Variants in SLC35F3 observed in about 807,000 individuals in gnomAD.
SLC35F3 encodes putative thiamine transporter SLC35F3.
In SLC35F3, 25 loss-of-function variants were observed where a neutral mutation model predicts 49.9. The ratio of observed to expected loss-of-function variants is 0.50; its 90% CI spans 0.37 to 0.70. SLC35F3 has a LOEUF of 0.70. SLC35F3 is among the 30% of genes least tolerant of loss of function. The pLI is 0.00. For missense variants in SLC35F3, 525 were observed against 639.8 expected, an observed-to-expected ratio of 0.82 and a Z score of 1.94; for synonymous variants, 275 against 265.4, an observed-to-expected ratio of 1.04 and a Z score of -0.35.
chr1:234,221,475 A>G (rs1359707603), intron 2 of SLC35F3, among the ~76,000 whole-genome samples: 5 of 152,224 alleles, frequency 3.3e-5, no homozygotes, highest in East Asian at 1.9e-4. Context: ...GACAAGAATC[A>G]TGAAGATGCA....
intron 2 of SLC35F3, among the ~76,000 whole-genome samples, chr1:234,186,765 G>A (rs546121158): frequency 7.9e-5 from 12 of 152,274 alleles, no homozygotes; most frequent in African/African-American, 2.2e-4. Flanking sequence ...ATGTACATTA[G>A]CTCCTTTAAA....
rs1553317673 is a variant in SLC35F3, at chr1:234,236,925, T to TTTTATATA, written c.608+5185_608+5186insTTATATAT. Among the ~76,000 whole-genome samples the TTTTATATA allele has an allele frequency of 4.8e-4, 46 of 96,292 alleles. 2 individuals are homozygous for TTTTATATA. The East Asian group carries it at 0.02, about 43-fold the overall frequency. 63.2% of individuals were successfully genotyped at this position (96,292 alleles called of 152,430 possible). A position where few individuals can be genotyped will look rare whatever the true frequency, so the allele number is the denominator to read the frequency against. ...AGACAGTCTCCTATTAAAAAAAAAA[T>TTTTATATA]TATATATATATATATATATATATAT... On this transcript the variant is annotated intron_variant, in intron 3 of 7. Transcript: ENST00000366618.
intron 2 of SLC35F3, among the ~76,000 whole-genome samples, chr1:234,209,988 A>C (rs1667026542): frequency 6.6e-6 from 1 of 152,184 alleles, no homozygotes; most frequent in African/African-American, 2.4e-5. Flanking sequence ...CCCCACCCAA[A>C]TCTCATCTTG....
At chr1:234,075,043 G>T (rs936266450) in intron 2 of SLC35F3, among the ~76,000 whole-genome samples, 1 of 152,172 alleles carries the variant, frequency 6.6e-6, no homozygotes, top group African/African-American at 2.4e-5. Flanking sequence ...AGAAAATAAA[G>T]AACTCAGTCT....
At chr1:234,056,353 T>A (rs1664456633) in intron 2 of SLC35F3, among the ~76,000 whole-genome samples, 1 of 152,180 alleles carries the variant, frequency 6.6e-6, no homozygotes, top group African/African-American at 2.4e-5. Context: ...TCTTGAAACA[T>A]GTTTTTAATA....
intron 2 of SLC35F3, among the ~76,000 whole-genome samples, chr1:233,946,693 G>T (rs1312787163): frequency 6.6e-6 from 1 of 152,240 alleles, no homozygotes; most frequent in African/African-American, 2.4e-5. Context: ...GCCCTTCATG[G>T]AGGAGAAACG....
chr1:234,117,361 G>A (rs750092199), intron 2 of SLC35F3, among the ~76,000 whole-genome samples: 1 of 152,140 alleles, frequency 6.6e-6, no homozygotes, highest in Non-Finnish European at 1.5e-5. Flanking sequence ...GGAGGCTGAG[G>A]TGGGCAGATC....
At chr1:234,080,911 A>G (rs1664865734) in intron 2 of SLC35F3, among the ~76,000 whole-genome samples, 1 of 152,222 alleles carries the variant, frequency 6.6e-6, no homozygotes, top group African/African-American at 2.4e-5. Flanking sequence ...GTTTTATGTT[A>G]TGTGGATTTT....
At chr1:234,098,314 T>C (rs935816314) in intron 2 of SLC35F3, among the ~76,000 whole-genome samples, 1 of 129,228 alleles carries the variant, frequency 7.7e-6, no homozygotes, top group African/African-American at 3.0e-5. Context: ...TGTTATAGGG[T>C]GATGATGGAG....
At chr1:234,034,458 A>G (rs1214350288) in intron 2 of SLC35F3, among the ~76,000 whole-genome samples, 4 of 152,118 alleles carry the variant, frequency 2.6e-5, no homozygotes, top group Non-Finnish European at 5.9e-5. Context: ...TTCCCCATTC[A>G]GTATAAAGTT....
intron 2 of SLC35F3, among the ~76,000 whole-genome samples, chr1:234,061,423 C>T (rs190816621): frequency 1.3e-5 from 2 of 152,144 alleles, no homozygotes; most frequent in African/African-American, 2.4e-5. Context: ...TTTACTGTCA[C>T]GTGTCTGTGA....
intron 2 of SLC35F3, among the ~76,000 whole-genome samples, chr1:233,982,139 G>A (rs1299188862): frequency 6.6e-6 from 1 of 152,122 alleles, no homozygotes; most frequent in Non-Finnish European, 1.5e-5. Context: ...TGGCCAGGCT[G>A]GTCTCAAACT....
At chr1:234,109,089 G>A (rs1033087626) in intron 2 of SLC35F3, among the ~76,000 whole-genome samples, 51 of 152,166 alleles carry the variant, frequency 3.4e-4, no homozygotes, top group African/African-American at 1.1e-3. Flanking sequence ...ACACTGAGGC[G>A]TTTTGTTTTG....
At chr1:234,040,525 C>A (rs1025589929) in intron 2 of SLC35F3, among the ~76,000 whole-genome samples, 1 of 152,160 alleles carries the variant, frequency 6.6e-6, no homozygotes, top group African/African-American at 2.4e-5. Flanking sequence ...TCAGAATGTA[C>A]GATTTAGCAG....
chr1:233,920,819 T>C (rs1244300759), intron 2 of SLC35F3, among the ~76,000 whole-genome samples: 1 of 152,204 alleles, frequency 6.6e-6, no homozygotes, highest in African/African-American at 2.4e-5. Flanking sequence ...CCTTTAAGAG[T>C]TGAGGGCAGC....
intron 2 of SLC35F3, among the ~76,000 whole-genome samples, chr1:233,995,387 G>A (rs1663441330): frequency 6.6e-6 from 1 of 151,994 alleles, no homozygotes; most frequent in Non-Finnish European, 1.5e-5. Context: ...GGAGATAGAG[G>A]GTGGGAGCCC....
chr1:234,148,383 G>T (rs2102907230), intron 2 of SLC35F3, among the ~76,000 whole-genome samples: 1 of 152,252 alleles, frequency 6.6e-6, no homozygotes, highest in South Asian at 2.1e-4. Flanking sequence ...CTGTTTTGCA[G>T]GGAAAGAGCA....
At position 234,214,125 on chromosome 1, in the gene SLC35F3, A is replaced by C; in HGVS notation, c.284-17292A>C. 4 of 1,022,188 alleles carry C rather than the reference A, an allele frequency of 3.9e-6. No individual in the cohort carries two copies. The highest frequency in any genetic ancestry group is 4.5e-5 in the South Asian group (1 of 22,246). The allele number at this position is 1,022,188 out of a possible 1,614,324, so 63.3% of individuals were successfully genotyped here. ...GTCAGGACCTGGCTGGGAGGAAGAC[A>C]GGGATGAGGGCTGCGGGGCTGGGCG... On this transcript the variant is annotated intron_variant, in intron 2 of 7. Transcript: ENST00000366618. This position sits in a 1 kb window ranked among gnomAD's most constrained non-coding sequence, Gnocchi z 8.0.
rs1327015879 is a variant in SLC35F3, at chr1:234,087,136, C to T, written c.284-144281C>T. Among the ~76,000 whole-genome samples the T allele has an allele frequency of 5.3e-5, 8 of 152,296 alleles. No homozygotes were observed. In the East Asian group the frequency reaches 1.5e-3, roughly 29 times the overall value. ...CCTGCCTTTCTGGCCACCAGCAATA[C>T]CCCCACCACCACTGCTTCCAAGCCT... is the stretch of plus-strand genomic sequence containing the variant. On this transcript the variant is annotated intron_variant, in intron 2 of 7. Coordinates refer to ENST00000366618, the MANE Select transcript of SLC35F3 (RefSeq NM_173508.4).
Sources: gnomAD v4.1 joint callset for allele counts (sites outside exome capture counted in the v4.1 genomes callset) on GRCh38, gnomAD v4.1.1 for gene constraint, Gnocchi (gnomAD v3.1) non-coding constraint, MANE v1.5 for transcripts, NCBI Gene and HGNC (gene_info 2026-07-23, HGNC 2026-07-21) for gene names.